The following ZDHHC3 variants were observed in gnomAD, a reference collection of about 807,000 sequenced individuals.
The protein encoded by ZDHHC3 is palmitoyltransferase ZDHHC3.
In ZDHHC3, 9 loss-of-function variants were observed where a neutral mutation model predicts 30.6. The observed-to-expected ratio is 0.29, with a 90% CI of 0.18 to 0.51. The LOEUF (loss-of-function observed/expected upper bound fraction) is 0.51. Among genes scored for constraint, ZDHHC3 ranks in the 20% least tolerant of loss-of-function variants. The pLI, the probability that ZDHHC3 is intolerant of heterozygous loss-of-function variation, is 0.97. For synonymous variants in ZDHHC3, 136 were observed against 140.2 expected, an observed-to-expected ratio of 0.97 and a Z score of 0.21; for missense variants, 246 against 384.2, an observed-to-expected ratio of 0.64 and a Z score of 3.01.
intron 5 of ZDHHC3, among the ~76,000 whole-genome samples, chr3:44,930,583 T>C (rs1701405260): frequency 6.6e-6 from 1 of 152,294 alleles, no homozygotes; most frequent in Admixed American, 6.5e-5. Flanking sequence ...AAGCACTCCA[T>C]CCAAGCTGTC....
intron 2 of ZDHHC3, among the ~76,000 whole-genome samples, chr3:44,945,853 G>A (rs978028178): frequency 2.0e-5 from 3 of 152,152 alleles, no homozygotes; most frequent in East Asian, 1.9e-4. Context: ...CACCACACCC[G>A]GCCAATTCTT....
chr3:44,949,978 G>A (rs1025298773), intron 2 of ZDHHC3, among the ~76,000 whole-genome samples: 6 of 152,062 alleles, frequency 3.9e-5, no homozygotes, highest in Admixed American at 2.6e-4. Flanking sequence ...TGGAACTACC[G>A]GCACAAGCCA....
At position 44,923,530 on chromosome 3, in the gene ZDHHC3, A is replaced by G. The variant is rs1700759355; in HGVS notation, c.*3159T>C. On this transcript the variant is annotated 3_prime_UTR_variant, in exon 7 of 7. Coordinates refer to ENST00000424952, the MANE Select transcript of ZDHHC3 (RefSeq NM_001135179.2). ...TTTCAAGAAGTACAGGGCTGGGCCC[A>G]GTGGCTCACGCCTGTAATCCCAGGA... 1.0e-6 allele frequency: 1 copy of G among 985,102 alleles called. No homozygotes were observed. Among genetic ancestry groups the G allele is most frequent in the African/African-American group, 1.7e-5 (1 of 57,304 alleles). The allele number at this position is 985,102 out of a possible 1,614,324, so 61.0% of individuals were successfully genotyped here.
chr3:44,943,631 A>C (rs1442393435), intron 3 of ZDHHC3, among the ~76,000 whole-genome samples: 1 of 152,226 alleles, frequency 6.6e-6, no homozygotes, highest in Non-Finnish European at 1.5e-5. Flanking sequence ...TCAGTCCTCT[A>C]TAACCCCTCC....
At chr3:44,962,560 T>C (rs567920438) in intron 1 of ZDHHC3, among the ~76,000 whole-genome samples, 1 of 134,754 alleles carries the variant, frequency 7.4e-6, no homozygotes, top group South Asian at 2.4e-4. Flanking sequence ...GGAGGGGTAT[T>C]ATAGCTGTTT....
rs1700502013 is a variant in ZDHHC3, at chr3:44,920,277, A to T, written c.*6412T>A. The T allele has an allele frequency of 7.8e-7, 1 of 1,289,746 alleles. No individual in the cohort carries two copies. The highest frequency in any genetic ancestry group is 5.5e-5 in the East Asian group (1 of 18,026). 79.9% of individuals were successfully genotyped at this position (1,289,746 alleles called of 1,614,324 possible). ...CTCCCTTCTTGGCACAGAAGCAGTG[A>T]CCAGCTGAGATGGTTTGCTTTGGGC... On this transcript the variant is annotated 3_prime_UTR_variant, in exon 7 of 7. Transcript: ENST00000424952.
At chr3:44,930,607 C>A (rs1016638497) in intron 5 of ZDHHC3, among the ~76,000 whole-genome samples, 2 of 152,232 alleles carry the variant, frequency 1.3e-5, no homozygotes, top group African/African-American at 2.4e-5. Context: ...CTGGCTCCCC[C>A]ACGGGAATGT....
intron 6 of ZDHHC3, among the ~76,000 whole-genome samples, chr3:44,928,768 C>T (rs1299280469): frequency 2.0e-5 from 3 of 152,082 alleles, no homozygotes; most frequent in Non-Finnish European, 2.9e-5. Flanking sequence ...GAGAAGGCAG[C>T]GGATGAGGAC....
intron 1 of ZDHHC3, among the ~76,000 whole-genome samples, chr3:44,966,488 ACT>A (rs888241004): frequency 6.6e-6 from 1 of 152,084 alleles, no homozygotes; most frequent in African/African-American, 2.4e-5. Flanking sequence ...TATGTCTATA[ACT>A]CTCAGCTGAA....
intron 6 of ZDHHC3, among the ~76,000 whole-genome samples, chr3:44,927,164 T>G (rs1472283530): frequency 1.3e-5 from 2 of 152,148 alleles, no homozygotes; most frequent in Non-Finnish European, 2.9e-5. Context: ...CCCTGGCCCC[T>G]TGTTGAGCTC....
At position 44,922,676 on chromosome 3, in the gene ZDHHC3, CA is replaced by C. The variant is rs1157529494; in HGVS notation, c.*4012del. On this transcript the variant is annotated 3_prime_UTR_variant, in exon 7 of 7. Transcript: ENST00000424952. ...CTCCTGCTAGCCCCAACTGGATTCT[CA>C]AACTTGATAGTCAGAATCACCTGGA... 1.0e-6 allele frequency: 1 copy of C among 985,268 alleles called. No individual in the cohort carries two copies. Among genetic ancestry groups the C allele is most frequent in the African/African-American group, 1.7e-5 (1 of 57,222 alleles). 61.0% of individuals were successfully genotyped at this position (985,268 alleles called of 1,614,324 possible).
rs1700503925 is a variant in ZDHHC3 at position 44,920,297 on chromosome 3, T to C, written c.*6392A>G. ...CAGTGACCAGCTGAGATGGTTTGCT[T>C]TGGGCATTCTGCATTCTCTTCCTGG... On this transcript the variant is annotated 3_prime_UTR_variant, in exon 7 of 7. Transcript: ENST00000424952. The C allele has an allele frequency of 7.8e-7, 1 of 1,289,872 alleles. No individual in the cohort carries two copies. Among genetic ancestry groups the C allele is most frequent in the Non-Finnish European group, 1.0e-6 (1 of 988,876 alleles). 79.9% of individuals were successfully genotyped at this position (1,289,872 alleles called of 1,614,324 possible). A position where few individuals can be genotyped will look rare whatever the true frequency, so the allele number is the denominator to read the frequency against.
chr3:44,932,109 C>T (rs1701546809), intron 5 of ZDHHC3, among the ~76,000 whole-genome samples: 1 of 152,174 alleles, frequency 6.6e-6, no homozygotes, highest in African/African-American at 2.4e-5. Flanking sequence ...ACTCCCTTGT[C>T]AAGTAACCAA....
intron 3 of ZDHHC3, among the ~76,000 whole-genome samples, chr3:44,939,136 C>T (rs1008707991): frequency 1.3e-5 from 2 of 152,120 alleles, no homozygotes; most frequent in Admixed American, 6.6e-5. Context: ...GACATGCTGG[C>T]CTGGTTCCAG....
intron 2 of ZDHHC3, among the ~76,000 whole-genome samples, chr3:44,953,190 C>T (rs1352476254): frequency 6.6e-6 from 1 of 152,198 alleles, no homozygotes; most frequent in Non-Finnish European, 1.5e-5. Context: ...CAAGGTAACA[C>T]AGCTAATAAG....
At chr3:44,968,793 T>C (rs1399420047) in intron 1 of ZDHHC3, among the ~76,000 whole-genome samples, 2 of 152,218 alleles carry the variant, frequency 1.3e-5, no homozygotes, top group African/African-American at 2.4e-5. Context: ...CTCATTGGGT[T>C]ACCTCAATCA....
At chr3:44,930,386 G>C (rs1452180904) in intron 5 of ZDHHC3, among the ~76,000 whole-genome samples, 1 of 152,324 alleles carries the variant, frequency 6.6e-6, no homozygotes, top group South Asian at 2.1e-4. Context: ...TGACAGACAG[G>C]CTAGGCCCCT....
At position 44,922,114 on chromosome 3, in the gene ZDHHC3, G is replaced by C. The variant is rs1700635735; in HGVS notation, c.*4575C>G. 3.0e-6 allele frequency: 3 copies of C among 985,324 alleles called. No homozygotes were observed. In the South Asian group the frequency reaches 1.4e-4, roughly 46 times the overall value. The allele number at this position is 985,324 out of a possible 1,614,324, so 61.0% of individuals were successfully genotyped here. ...CAGGTTGGGAGTACGCTGGTCAGTG[G>C]CTTGTTTCTGCTTCACTGTGAATTC... On this transcript the variant is annotated 3_prime_UTR_variant, in exon 7 of 7. Transcript: ENST00000424952.
At chr3:44,949,778 A>G (rs945795299) in intron 2 of ZDHHC3, among the ~76,000 whole-genome samples, 1 of 152,178 alleles carries the variant, frequency 6.6e-6, no homozygotes, top group Non-Finnish European at 1.5e-5. Context: ...GGGCCTGGGA[A>G]GGGCACTGGT....
Sources: allele counts gnomAD v4.1 joint callset (sites outside exome capture counted in the v4.1 genomes callset), GRCh38; gene constraint gnomAD v4.1.1; transcripts MANE v1.5; gene names NCBI Gene and HGNC (gene_info 2026-07-23, HGNC 2026-07-21).